LAIR1: variants seen among roughly 807,000 people sequenced by gnomAD.
LAIR1 encodes the protein leukocyte associated immunoglobulin like receptor 1.
A neutral mutation model predicts 32.8 loss-of-function variants in LAIR1; 24 were observed. That is an observed-to-expected ratio of 0.73 (90% CI 0.53 to 1.03). The LOEUF (loss-of-function observed/expected upper bound fraction) is 1.03, where lower values mean the gene tolerates loss of function less well. Among genes scored for constraint, LAIR1 ranks in the 50% least tolerant of loss-of-function variants. The pLI is 0.00. For synonymous variants in LAIR1, 150 were observed against 140.5 expected (o/e 1.07, Z -0.48); for missense variants, 355 against 347.5 (o/e 1.02, Z -0.17).
Position 54,361,028 on chromosome 19 carries a change from G to T in LAIR1, c.252C>A (p.Ala84=), listed in dbSNP as rs781132118. 3.1e-6 allele frequency: 5 copies of T among 1,614,064 alleles called. No individual in the cohort carries two copies. The highest frequency in any genetic ancestry group is 1.7e-6 in the Non-Finnish European group (2 of 1,179,994). Reference sequence around the variant, plus strand: ...CTCTTACTGAGTCAATGCGGAATCTGGCCTCTGACTCAGATGGACTAGCTT... The same window carrying T: ...CTCTTACTGAGTCAATGCGGAATCTTGCCTCTGACTCAGATGGACTAGCTT... ...VSQASPSESE[A]RFRIDSVREG... is the part of the protein sequence containing the mutation. Residue 84 remains alanine, a synonymous_variant, in exon 3 of 10, where the codon GCC becomes GCA. Transcript: ENST00000391742.
chr19:54,371,405 C>A (rs999937084), upstream of LAIR1, among the ~76,000 whole-genome samples: 11 of 151,234 alleles, frequency 7.3e-5, no homozygotes, highest in Non-Finnish European at 1.6e-4. Context: ...CTCCAGCGAT[C>A]CTCCTGCCTC....
At chr19:54,356,843 A>G (rs1355620046) in intron 5 of LAIR1, 85 bp downstream of exon 5, 4 of 1,530,804 alleles carry the variant, frequency 2.6e-6, no homozygotes, top group Non-Finnish European at 3.6e-6. Context: ...CAGAGCAGGA[A>G]TCTGATCAAC....
chr19:54,356,723 A>G (rs750067792), intron 5 of LAIR1, 104 bp from the exon 6 acceptor site: 32 of 1,273,392 alleles, frequency 2.5e-5, no homozygotes, highest in Admixed American at 3.9e-5. Flanking sequence ...AATATATAAA[A>G]TATCTTAGGT....
In LAIR1 at chr19:54,354,910, G is replaced by A. The variant is rs772576054; in HGVS notation, c.*358C>T. ...GGCATCACTGCTCAGGAAATCGGCT[G>A]ATTGGCTGTAGCTGGGCCTTTAGAA... On this transcript the variant is annotated 3_prime_UTR_variant, in exon 10 of 10. Transcript: ENST00000391742. The A allele has an allele frequency of 4.7e-6, 1 of 214,518 alleles. No individual in the cohort carries two copies. The highest frequency in any genetic ancestry group is 9.7e-5 in the East Asian group (1 of 10,324). The allele number at this position is 214,518 out of a possible 1,614,324, so 13.3% of individuals were successfully genotyped here.
chr19:54,373,312 C>T (rs8111275), upstream of LAIR1, among the ~76,000 whole-genome samples: 661 of 151,416 alleles, frequency 4.4e-3, 4 homozygotes, highest in African/African-American at 0.014. Flanking sequence ...GGCGTGGTGG[C>T]GGGCACCTGT....
upstream of LAIR1, among the ~76,000 whole-genome samples, chr19:54,367,491 C>A (rs1474652652): frequency 6.6e-6 from 1 of 152,062 alleles, no homozygotes; most frequent in Non-Finnish European, 1.5e-5. Flanking sequence ...CGCCTGTAAT[C>A]TTCTCAGCAT....
upstream of LAIR1, among the ~76,000 whole-genome samples, chr19:54,374,949 G>T (rs537478711): frequency 3.3e-5 from 5 of 152,208 alleles, no homozygotes; most frequent in Non-Finnish European, 7.4e-5. Flanking sequence ...AGTCCGCTGT[G>T]CTGCTCCAAG....
chr19:54,360,956 T>C lies in LAIR1; in HGVS notation c.324A>G (p.Lys108=). Residue 108 remains lysine (K), a synonymous_variant, in exon 3 of 10, where the codon AAA becomes AAG. Transcript: ENST00000391742. The part of the protein sequence containing the change: ...LYRCIYYKPP[K]WSEQSDYLEL... The stretch of plus-strand genomic sequence containing the variant: ...CCAGGTAGTCACTCTGCTCAGACCA[T>C]TTAGGGGGCTTATAATAGATGCAGC... The C allele has an allele frequency of 6.2e-7, 1 of 1,614,118 alleles. No homozygotes were observed. The highest frequency in any genetic ancestry group is 8.5e-7 in the Non-Finnish European group (1 of 1,180,002).
chr19:54,373,879 G>A (rs184096951), upstream of LAIR1, among the ~76,000 whole-genome samples: 97 of 152,352 alleles, frequency 6.4e-4, no homozygotes, highest in Admixed American at 2.0e-3. Flanking sequence ...ATGGCGTCCC[G>A]TACTTCAAAC....
At chr19:54,375,264 C>T (rs1644635631), upstream of LAIR1, among the ~76,000 whole-genome samples, 1 of 152,182 alleles carries the variant, frequency 6.6e-6, no homozygotes, top group Non-Finnish European at 1.5e-5. Context: ...CCCAATCCCT[C>T]AATCCCTCGC....
At chr19:54,356,881 C>G (rs1030636546) in intron 5 of LAIR1, 47 bp downstream of exon 5, 2 of 1,608,834 alleles carry the variant, frequency 1.2e-6, no homozygotes, top group African/African-American at 2.7e-5. Context: ...TTCTCCTTCC[C>G]CAAGAGGCAC....
chr19:54,361,099 C>T lies in LAIR1; in HGVS notation c.181G>A (p.Glu61Lys), dbSNP rs757205287. The part of the protein sequence containing the change: ...GPVGVQTFRL[E>K]RDSRSTYNDT... ...TTGTATGTGGATCTACTGTCCCTCT[C>T]CAGGCGGAATGTTTGAACCCCAACC... The change falls in exon 3 of 10, where the codon GAG becomes AAG. Residue 61 changes from glutamate (E) to lysine (K), a missense_variant. Coordinates refer to ENST00000391742, the MANE Select transcript of LAIR1 (RefSeq NM_002287.6). 1 of 1,614,190 alleles carries T rather than the reference C, an allele frequency of 6.2e-7. No individual in the cohort carries two copies. The highest frequency in any genetic ancestry group is 1.1e-5 in the South Asian group (1 of 91,086).
chr19:54,368,871 G>A (rs2082335214), upstream of LAIR1, among the ~76,000 whole-genome samples: 1 of 151,488 alleles, frequency 6.6e-6, no homozygotes, highest in Non-Finnish European at 1.5e-5. Flanking sequence ...ATTTTTAGTA[G>A]AGACGGGGTT....
chr19:54,356,759 T>G, intron 5 of LAIR1, 140 bp from the exon 6 acceptor site: 1 of 1,165,850 alleles, frequency 8.6e-7, no homozygotes, highest in South Asian at 1.4e-5. Context: ...AGTACAGGGA[T>G]CGTTATCCCC....
At chr19:54,367,808 C>T (rs1170158600), upstream of LAIR1, among the ~76,000 whole-genome samples, 1 of 147,000 alleles carries the variant, frequency 6.8e-6, no homozygotes, top group Non-Finnish European at 1.5e-5. Flanking sequence ...CTCTGTCGCC[C>T]AGGCCGGACT....
rs1431605889 is a variant in LAIR1, at chr19:54,353,462, C to A, written c.*1806G>T. The A allele has an allele frequency of 6.6e-6, 1 of 152,224 alleles. No individual in the cohort carries two copies. The highest frequency in any genetic ancestry group is 1.9e-4 in the East Asian group (1 of 5,194). 9.4% of individuals were successfully genotyped at this position (152,224 alleles called of 1,614,324 possible). A position where few individuals can be genotyped will look rare whatever the true frequency, so the allele number is the denominator to read the frequency against. ...ACCAGCACAGAAACCTCCCAGCAGA[C>A]CGAGCTGCAGCCCATCCCGGGGTTC... On this transcript the variant is annotated 3_prime_UTR_variant, in exon 10 of 10. Coordinates refer to ENST00000391742, the MANE Select transcript of LAIR1 (RefSeq NM_002287.6).
rs560668899 is a variant in LAIR1, at chr19:54,364,231, C to T, written c.70+64G>A. On this transcript the variant is annotated intron_variant, in intron 2 of 9. Transcript: ENST00000391742. The surrounding 1 kb of genome is among the most constrained non-coding windows in gnomAD (Gnocchi z 4.8). ...GGCCCTCTAAGAATCAACATCACTC[C>T]CACCCAGCACTGCCCTTGGGGTGAC... 14 of 1,528,956 alleles carry T rather than the reference C, an allele frequency of 9.2e-6. No individual in the cohort carries two copies. In the African/African-American group the frequency reaches 1.4e-4, roughly 15 times the overall value. 94.7% of individuals were successfully genotyped at this position (1,528,956 alleles called of 1,614,324 possible).
At chr19:54,356,889 C>T (rs2081743401) in intron 5 of LAIR1, 39 bp downstream of exon 5, 1 of 1,612,144 alleles carries the variant, frequency 6.2e-7, no homozygotes, top group Non-Finnish European at 8.5e-7. Context: ...CCCCAAGAGG[C>T]ACACACCAGC....
At chr19:54,356,848 A>C in intron 5 of LAIR1, 80 bp downstream of exon 5, 1 of 1,550,082 alleles carries the variant, frequency 6.5e-7, no homozygotes, top group Non-Finnish European at 8.8e-7. Context: ...CAGGAATCTG[A>C]TCAACCCCAA....
Sources: allele counts gnomAD v4.1 joint callset (sites outside exome capture counted in the v4.1 genomes callset), GRCh38; gene constraint gnomAD v4.1.1; non-coding constraint Gnocchi (gnomAD v3.1); transcripts MANE v1.5; gene names NCBI Gene and HGNC (gene_info 2026-07-23, HGNC 2026-07-21).